MAPK10: variants seen among roughly 807,000 people sequenced by gnomAD.
MAPK10 encodes the protein mitogen-activated protein kinase 10, also known as JNK3 alpha protein kinase.
In MAPK10, 25 loss-of-function variants were observed where a neutral mutation model predicts 59.3. The observed-to-expected ratio is 0.42, with a 90% CI of 0.31 to 0.59. MAPK10 has a LOEUF of 0.59. Ranked by LOEUF, MAPK10 falls within the 20% of genes least tolerant of loss-of-function variation. The probability of loss-of-function intolerance (pLI) is 0.15; values close to 1 mark genes in which losing one functional copy is unlikely to be tolerated. For synonymous variants in MAPK10, 190 were observed against 200.5 expected (o/e 0.95, Z 0.44); for missense variants, 351 against 568.9 (o/e 0.62, Z 3.90).
At chr4:86,079,838 T>TC (rs34757256) in intron 9 of MAPK10, 67,350 of 151,742 alleles carry the variant, frequency 0.44, 15,499 homozygotes, top group African/African-American at 0.56. Flanking sequence ...TTATATGAGG[T>TC]AAGAAAACCT....
intron 2 of MAPK10, among the ~76,000 whole-genome samples, chr4:86,229,766 C>T (rs1007342996): frequency 2.0e-5 from 3 of 151,794 alleles, no homozygotes; most frequent in Admixed American, 6.6e-5. Flanking sequence ...GGAAAAATGA[C>T]ATGTTTAGGC....
At chr4:86,101,859 C>A (rs201039367) in intron 7 of MAPK10, 35 bp downstream of exon 7, 547 of 1,609,808 alleles carry the variant, frequency 3.4e-4, no homozygotes, top group Middle Eastern at 1.5e-3. Context: ...CCTCTTAAAG[C>A]ATTTGAATTG....
At chr4:86,568,061 A>G (rs1761191188) in intron 1 of MAPK10, among the ~76,000 whole-genome samples, 1 of 152,180 alleles carries the variant, frequency 6.6e-6, no homozygotes, top group African/African-American at 2.4e-5. Flanking sequence ...AGACTCCTCC[A>G]AAAGACTCCT....
At chr4:86,459,940 A>G (rs982916088) in intron 1 of MAPK10, among the ~76,000 whole-genome samples, 2 of 152,146 alleles carry the variant, frequency 1.3e-5, no homozygotes, top group Non-Finnish European at 2.9e-5. Context: ...TAAAAAATAA[A>G]CTTCTAAGAA....
intron 2 of MAPK10, among the ~76,000 whole-genome samples, chr4:86,195,624 A>G (rs1273325644): frequency 6.6e-6 from 1 of 152,090 alleles, no homozygotes; most frequent in African/African-American, 2.4e-5. Flanking sequence ...CAGAACATGC[A>G]GGTTTGTTAC....
upstream of MAPK10, among the ~76,000 whole-genome samples, chr4:86,456,041 C>A (rs1467741617): frequency 6.6e-6 from 1 of 152,108 alleles, no homozygotes; most frequent in Non-Finnish European, 1.5e-5. Context: ...AATTAAATAA[C>A]CTGCTCCTGT....
intron 1 of MAPK10, among the ~76,000 whole-genome samples, chr4:86,417,461 T>G (rs959159715): frequency 1.3e-5 from 2 of 152,230 alleles, no homozygotes; most frequent in Non-Finnish European, 2.9e-5. Context: ...ATGTATTACT[T>G]TCTTAATTTT....
chr4:86,228,544 C>G (rs17011537), intron 2 of MAPK10, among the ~76,000 whole-genome samples: 12,776 of 152,192 alleles, frequency 0.084, 1,189 homozygotes, highest in African/African-American at 0.23. Flanking sequence ...ATCTCAGAAG[C>G]CTTGCCAGAT....
intron 1 of MAPK10, among the ~76,000 whole-genome samples, chr4:86,414,048 A>G (rs949345553): frequency 3.3e-5 from 5 of 151,910 alleles, no homozygotes; most frequent in African/African-American, 9.7e-5. Flanking sequence ...CGGCCACCTT[A>G]TAAGCGACCC....
chr4:86,460,332 G>A (rs1484532887), intron 1 of MAPK10, among the ~76,000 whole-genome samples: 1 of 152,170 alleles, frequency 6.6e-6, no homozygotes, highest in Non-Finnish European at 1.5e-5. Context: ...CCTTGGTTCT[G>A]GAAGGCAGGG....
At chr4:86,230,587 G>A (rs963515374) in intron 2 of MAPK10, among the ~76,000 whole-genome samples, 1 of 152,048 alleles carries the variant, frequency 6.6e-6, no homozygotes, top group Non-Finnish European at 1.5e-5. Context: ...TAATACTTAA[G>A]TAAATATATA....
chr4:86,449,017 A>T (rs1381776421), intron 1 of MAPK10, among the ~76,000 whole-genome samples: 1 of 149,306 alleles, frequency 6.7e-6, no homozygotes, highest in Non-Finnish European at 1.5e-5. Flanking sequence ...ATCTGACAGG[A>T]AGCAGAGCTC....
chr4:86,148,114 C>G (rs1377718613), intron 4 of MAPK10, among the ~76,000 whole-genome samples: 1 of 152,086 alleles, frequency 6.6e-6, no homozygotes, highest in African/African-American at 2.4e-5. Flanking sequence ...CATCTAGCAG[C>G]AGACACAGAT....
chr4:86,243,698 C>T (rs998849937), intron 2 of MAPK10, among the ~76,000 whole-genome samples: 1 of 152,092 alleles, frequency 6.6e-6, no homozygotes, highest in Non-Finnish European at 1.5e-5. Flanking sequence ...TGGTGTCTTC[C>T]TTGACCATCC....
chr4:86,125,155 T>TTA (rs1032754229), intron 4 of MAPK10: 6 of 151,896 alleles, frequency 4.0e-5, no homozygotes, highest in Non-Finnish European at 7.4e-5. Flanking sequence ...AAAAATATTG[T>TTA]TATATATATT....
At chr4:86,316,754 A>G (rs2095795623) in intron 2 of MAPK10, among the ~76,000 whole-genome samples, 1 of 152,140 alleles carries the variant, frequency 6.6e-6, no homozygotes, top group Non-Finnish European at 1.5e-5. Context: ...AAGTGCCCAC[A>G]GGGACTACAC....
chr4:86,050,972 G>A (rs1166890801), intron 11 of MAPK10, among the ~76,000 whole-genome samples: 1 of 152,052 alleles, frequency 6.6e-6, no homozygotes, highest in African/African-American at 2.4e-5. Context: ...GAACATCGAA[G>A]GAATTCAGCT....
At chr4:86,078,555 AT>A (rs1354118642) in intron 9 of MAPK10, among the ~76,000 whole-genome samples, 1 of 151,542 alleles carries the variant, frequency 6.6e-6, no homozygotes, top group Admixed American at 6.6e-5. Context: ...TGTTAAAAGA[AT>A]TTTTTTCTAA....
chr4:86,177,367 C>CT (rs2075917463), intron 3 of MAPK10, among the ~76,000 whole-genome samples: 1 of 152,088 alleles, frequency 6.6e-6, no homozygotes, highest in African/African-American at 2.4e-5. Flanking sequence ...TGCCAAAAAT[C>CT]TTTTTCTTTG....
Sources: allele counts gnomAD v4.1 joint callset (sites outside exome capture counted in the v4.1 genomes callset), GRCh38; gene constraint gnomAD v4.1.1; transcripts MANE v1.5; gene names NCBI Gene and HGNC (gene_info 2026-07-23, HGNC 2026-07-21).